Variants in FER1L6 observed in about 807,000 individuals in gnomAD.
The protein encoded by FER1L6 is fer-1 like family member 6.
Under a neutral mutation model 219.2 loss-of-function variants are expected in FER1L6, and 177 were observed. That is an observed-to-expected ratio of 0.81 (90% CI 0.71 to 0.91). The LOEUF (loss-of-function observed/expected upper bound fraction) is 0.91, where lower values mean the gene tolerates loss of function less well. Ranked by LOEUF, FER1L6 falls within the 40% of genes least tolerant of loss-of-function variation. The pLI is 0.00. For missense variants in FER1L6, 2,153 were observed against 2,259.9 expected (o/e 0.95, Z 0.96); for synonymous variants, 768 against 824.3 (o/e 0.93, Z 1.17).
At chr8:123,948,079 G>C (rs777713510) in intron 1 of FER1L6, among the ~76,000 whole-genome samples, 3 of 152,134 alleles carry the variant, frequency 2.0e-5, no homozygotes, top group Non-Finnish European at 4.4e-5. Context: ...AGGTTGAGCT[G>C]GTTTTTAAAT....
intron 22 of FER1L6, among the ~76,000 whole-genome samples, chr8:124,050,878 T>C (rs573802309): frequency 6.6e-6 from 1 of 152,264 alleles, no homozygotes; most frequent in African/African-American, 2.4e-5. Context: ...TTGGGGTTGG[T>C]ATTTTAACGT....
At position 124,035,182 on chromosome 8, in the gene FER1L6, C is replaced by T; in HGVS notation, c.2287-95C>T. On this transcript the variant is annotated intron_variant, in intron 18 of 40. Coordinates refer to ENST00000522917, the MANE Select transcript of FER1L6 (RefSeq NM_001039112.2). ...GAGAACTGCTCTCTGAACATACTTC[C>T]AGGTGTGTCTCCAGGAAGGACCTCT... is the stretch of plus-strand genomic sequence containing the variant. The T allele has an allele frequency of 3.8e-6, 5 of 1,310,162 alleles. No individual in the cohort carries two copies. The South Asian group carries it at 4.3e-5, about 11-fold the overall frequency. 81.2% of individuals were successfully genotyped at this position (1,310,162 alleles called of 1,614,324 possible). A position where few individuals can be genotyped will look rare whatever the true frequency, so the allele number is the denominator to read the frequency against.
chr8:123,866,975 C>A (rs1200018149), intron 1 of FER1L6, among the ~76,000 whole-genome samples: 3 of 152,066 alleles, frequency 2.0e-5, no homozygotes, highest in African/African-American at 7.2e-5. Flanking sequence ...GAATATTAGC[C>A]CCTTATCAGA....
At chr8:124,117,667 C>T (rs531851944) in intron 39 of FER1L6, among the ~76,000 whole-genome samples, 1 of 152,302 alleles carries the variant, frequency 6.6e-6, no homozygotes, top group African/African-American at 2.4e-5. Flanking sequence ...CTAATTCAGA[C>T]AGCCCTGCCA....
intron 5 of FER1L6, among the ~76,000 whole-genome samples, chr8:123,969,286 C>A (rs952240952): frequency 6.6e-6 from 1 of 152,120 alleles, no homozygotes; most frequent in African/African-American, 2.4e-5. Context: ...TCCTCATGTC[C>A]ATAGATTTTT....
intron 11 of FER1L6, among the ~76,000 whole-genome samples, chr8:123,982,194 T>G (rs1816354543): frequency 6.6e-6 from 1 of 152,180 alleles, no homozygotes; most frequent in African/African-American, 2.4e-5. Context: ...CCAGAAGTTG[T>G]GGGTGGCTTA....
intron 13 of FER1L6, among the ~76,000 whole-genome samples, chr8:124,006,895 T>G (rs1236382536): frequency 1.3e-5 from 2 of 152,210 alleles, no homozygotes; most frequent in East Asian, 1.9e-4. Context: ...ACAAAGGCCT[T>G]GAACATCATT....
At position 123,973,497 on chromosome 8, in the gene FER1L6, G is replaced by T. The variant is rs201915710; in HGVS notation, c.511G>T (p.Val171Leu). 3 of 1,613,336 alleles carry T rather than the reference G, an allele frequency of 1.9e-6. No individual in the cohort carries two copies. In the African/African-American group the frequency reaches 4.0e-5, roughly 22 times the overall value. Residue 171 changes from valine to leucine, a missense_variant, in exon 7 of 41, where the codon GTG (valine) becomes TTG (leucine). Coordinates refer to ENST00000522917, the MANE Select transcript of FER1L6 (RefSeq NM_001039112.2). ...IGSFKVDLGT[V>L]YNQPGHQFCN... ...CTCTTTCAAAGTAGACCTGGGGACCGTGTACAACCAACCTGGTAAGAAAAC... is the reference window on the plus strand; with the variant it reads ...CTCTTTCAAAGTAGACCTGGGGACCTTGTACAACCAACCTGGTAAGAAAAC...
At chr8:123,987,106 A>G (rs1816622187) in intron 12 of FER1L6, among the ~76,000 whole-genome samples, 1 of 152,144 alleles carries the variant, frequency 6.6e-6, no homozygotes, top group Non-Finnish European at 1.5e-5. Context: ...TGTTCTCCAT[A>G]GTGGTTGTAT....
At chr8:124,022,520 C>T (rs142685987) in intron 17 of FER1L6, among the ~76,000 whole-genome samples, 15 of 152,294 alleles carry the variant, frequency 9.8e-5, no homozygotes, top group African/African-American at 1.9e-4. Flanking sequence ...TTAATTAATT[C>T]GACTTTAAAT....
rs181866663 is a variant in FER1L6 at position 123,938,439 on chromosome 8, C to G, written c.-7-17553C>G. 3.3e-5 allele frequency among the ~76,000 whole-genome samples: 5 copies of G among 152,120 alleles called. No homozygotes were observed. In the East Asian group the frequency reaches 9.6e-4, roughly 29 times the overall value. On this transcript the variant is annotated intron_variant, in intron 1 of 40. Coordinates refer to ENST00000522917, the MANE Select transcript of FER1L6 (RefSeq NM_001039112.2). ...TGACATTTGGTGGAACCATTTTTAA[C>G]ATGATCTACTGGGTAATGCCCACAA...
chr8:124,041,677 T>TG (rs35679870), intron 20 of FER1L6, among the ~76,000 whole-genome samples: 3 of 152,158 alleles, frequency 2.0e-5, no homozygotes, highest in Non-Finnish European at 4.4e-5. Context: ...TAGTTCTACC[T>TG]GGGGGAGAAG....
intron 6 of FER1L6, 129 bp downstream of exon 6, chr8:123,970,226 C>G: frequency 1.2e-6 from 1 of 828,894 alleles, no homozygotes; most frequent in Non-Finnish European, 2.1e-6. Flanking sequence ...GTTGGTGAGT[C>G]TAACCAACAG....
chr8:123,865,196 A>G, intron 1 of FER1L6, among the ~76,000 whole-genome samples: 1 of 148,484 alleles, frequency 6.7e-6, no homozygotes, highest in East Asian at 1.9e-4. Flanking sequence ...TTTTCCTTCT[A>G]ACAGACAGGA....
intron 39 of FER1L6, among the ~76,000 whole-genome samples, chr8:124,104,835 A>ATT (rs1414235450): frequency 2.0e-5 from 3 of 152,118 alleles, no homozygotes; most frequent in Non-Finnish European, 4.4e-5. Context: ...TTTCCATGTC[A>ATT]TTTACTTATT....
At chr8:124,073,055 A>T (rs1244030815) in intron 31 of FER1L6, among the ~76,000 whole-genome samples, 1 of 37,822 alleles carries the variant, frequency 2.6e-5, no homozygotes. Flanking sequence ...TTTGCCTCAT[A>T]CCTTTTTTCC....
At position 123,980,520 on chromosome 8, in the gene FER1L6, C is replaced by G. The variant is rs376879375; in HGVS notation, c.1119C>G (p.Asn373Lys). 14 of 1,613,968 alleles carry G rather than the reference C, an allele frequency of 8.7e-6. No individual in the cohort carries two copies. The African/African-American group carries it at 1.9e-4, about 22-fold the overall frequency. ...TTAACCTGTATGGCTCGCCCAGGAA[C>G]CACAGTCTGATGGATGACTACCAGG... ...AWINLYGSPR[N>K]HSLMDDYQEM... The change falls in exon 11 of 41, where the codon AAC (asparagine) becomes AAG (lysine). Residue 373 changes from asparagine (N) to lysine (K), a missense_variant. Transcript: ENST00000522917.
rs1821496418 is a variant in FER1L6 at position 124,080,531 on chromosome 8, T to C, written c.4221-1757T>C. 7.2e-5 allele frequency among the ~76,000 whole-genome samples: 11 copies of C among 152,252 alleles called. No homozygotes were observed. The South Asian group carries it at 2.3e-3, about 32-fold the overall frequency. ...CAGGGTTTCACCATGTTGGCCAGGC[T>C]TGTCTCGAACTCCTGGCCTCGAGTG... On this transcript the variant is annotated intron_variant, in intron 32 of 40. Transcript: ENST00000522917.
rs1471653481 is a variant in FER1L6 at position 123,918,139 on chromosome 8, A to G, written c.-7-37853A>G. On this transcript the variant is annotated intron_variant, in intron 1 of 40. Transcript: ENST00000522917. ...AGCCTGGGCAACATGGTAAAACCCC[A>G]TCTCTATAAAAATACAAAAATTAGC... 1.3e-5 allele frequency among the ~76,000 whole-genome samples: 2 copies of G among 152,046 alleles called. 1 individual carries two copies. The highest frequency in any genetic ancestry group is 3.9e-4 in the East Asian group (2 of 5,164).
Sources: allele counts gnomAD v4.1 joint callset (sites outside exome capture counted in the v4.1 genomes callset), GRCh38; gene constraint gnomAD v4.1.1; transcripts MANE v1.5; gene names NCBI Gene and HGNC (gene_info 2026-07-23, HGNC 2026-07-21).